The following OGFOD3 variants were observed in gnomAD, a reference collection of about 807,000 sequenced individuals.
OGFOD3 encodes 2-oxoglutarate and iron dependent oxygenase domain containing 3.
Under a neutral mutation model 39.8 loss-of-function variants are expected in OGFOD3, and 35 were observed. The observed-to-expected ratio is 0.88, with a 90% CI of 0.67 to 1.17. The LOEUF (loss-of-function observed/expected upper bound fraction) is 1.17. Among genes scored for constraint, OGFOD3 ranks in the 50% most tolerant of loss-of-function variants. The pLI, the probability that OGFOD3 is intolerant of heterozygous loss-of-function variation, is 0.00. For synonymous variants in OGFOD3, 200 were observed against 192.0 expected (o/e 1.04, Z -0.34); for missense variants, 438 against 454.5 (o/e 0.96, Z 0.33).
intron 7 of OGFOD3, among the ~76,000 whole-genome samples, chr17:82,402,575 C>T (rs2052784423): frequency 6.6e-6 from 1 of 150,522 alleles, no homozygotes; most frequent in Non-Finnish European, 1.5e-5. Flanking sequence ...AATGAAACCC[C>T]ATCTCTACTA....
chr17:82,418,291 C>G (rs1337762417), intron 1 of OGFOD3, 121 bp downstream of exon 1: 1 of 101,424 alleles, frequency 9.9e-6, no homozygotes, highest in Non-Finnish European at 1.8e-5. Flanking sequence ...ACCACGCCCA[C>G]CTGCCCCCCC....
At chr17:82,393,293 T>C (rs1367308170) in intron 8 of OGFOD3, 2 of 152,286 alleles carry the variant, frequency 1.3e-5, no homozygotes, top group African/African-American at 4.8e-5. Flanking sequence ...TGACGTCCTG[T>C]GACAATTTCA....
chr17:82,410,417 G>A (rs1335267579), intron 3 of OGFOD3, among the ~76,000 whole-genome samples: 1 of 152,232 alleles, frequency 6.6e-6, no homozygotes, highest in African/African-American at 2.4e-5. Context: ...AGTAAGAAAA[G>A]TCCAGCACCA....
rs1048910617 is a variant in OGFOD3, at chr17:82,406,636, A to G, written c.424-154T>C. Reference sequence around the variant, plus strand: ...TTTTGTTTTTTGTAAAAAGGATCTTATTCTGTTGCCCAGGCTAGGGCGCAG... The same window carrying G: ...TTTTGTTTTTTGTAAAAAGGATCTTGTTCTGTTGCCCAGGCTAGGGCGCAG... On this transcript the variant is annotated intron_variant, in intron 4 of 8. Transcript: ENST00000313056. This position sits in a 1 kb window ranked among gnomAD's most constrained non-coding sequence, Gnocchi z 5.2. Among the ~76,000 whole-genome samples, 1 of 152,072 alleles carries G rather than the reference A, an allele frequency of 6.6e-6. No homozygotes were observed. Among genetic ancestry groups the G allele is most frequent in the Non-Finnish European group, 1.5e-5 (1 of 68,006 alleles).
Position 82,415,694 on chromosome 17 carries a change from A to G in OGFOD3, c.75-67T>C. 1 of 1,348,210 alleles carries G rather than the reference A, an allele frequency of 7.4e-7. No homozygotes were observed. The highest frequency in any genetic ancestry group is 1.3e-5 in the South Asian group (1 of 74,820). The allele number at this position is 1,348,210 out of a possible 1,614,324, so 83.5% of individuals were successfully genotyped here. A position where few individuals can be genotyped will look rare whatever the true frequency, so the allele number is the denominator to read the frequency against. ...AGGCCAGAGAAAACGCTCCCCGATC[A>G]TCAAAGTGCATGCACCATGACCCGG... On this transcript the variant is annotated intron_variant, in intron 1 of 8. Coordinates refer to ENST00000313056, the MANE Select transcript of OGFOD3 (RefSeq NM_024648.3). The surrounding 1 kb of genome is among the most constrained non-coding windows in gnomAD (Gnocchi z 5.3).
chr17:82,410,608 C>T lies in OGFOD3; in HGVS notation c.380+847G>A, dbSNP rs1213031458. ...GGCGGCCACAACCCCTGCAGAGGAA[C>T]CTGGGCCTCTGGGTACTCTCCCAGC... On this transcript the variant is annotated intron_variant, in intron 3 of 8. Transcript: ENST00000313056. 2.0e-5 allele frequency among the ~76,000 whole-genome samples: 3 copies of T among 152,244 alleles called. No homozygotes were observed. The East Asian group carries it at 5.8e-4, about 29-fold the overall frequency.
rs781186711 is a variant in OGFOD3 at position 82,392,477 on chromosome 17, T to C, written c.881A>G (p.His294Arg). 1 of 1,610,486 alleles carries C rather than the reference T, an allele frequency of 6.2e-7. No individual in the cohort carries two copies. The highest frequency in any genetic ancestry group is 8.5e-7 in the Non-Finnish European group (1 of 1,178,702). The part of the protein sequence containing the change: ...SENLHRVEKV[H>R]WGTRYAITIA... ...GGTGATGGCGTAACGGGTGCCCCAG[T>C]GGACCTTCTCCACGCGGTGTAGGTT... Residue 294 changes from histidine to arginine, a missense_variant, in exon 9 of 9, where the codon CAC (histidine) becomes CGC (arginine). By Grantham distance (29) the His-to-Arg change is conservative (BLOSUM62 0). Transcript: ENST00000313056. The surrounding 1 kb of genome is among the most constrained non-coding windows in gnomAD (Gnocchi z 4.2).
chr17:82,418,055 A>C (rs1282299227), intron 1 of OGFOD3, among the ~76,000 whole-genome samples: 1 of 152,220 alleles, frequency 6.6e-6, no homozygotes. Context: ...CTCCTGGCTC[A>C]GGCGGACTTT....
chr17:82,406,452 G>A lies in OGFOD3; in HGVS notation c.454C>T (p.Leu152=), dbSNP rs1280768226. Residue 152 remains leucine, a synonymous_variant, in exon 5 of 9, where the codon CTG becomes TTG. Coordinates refer to ENST00000313056, the MANE Select transcript of OGFOD3 (RefSeq NM_024648.3). The surrounding 1 kb of genome is among the most constrained non-coding windows in gnomAD (Gnocchi z 5.2). ...ASILDLHSGA[L]SVGKHFVNLY... ...TTCACAAAGTGCTTCCCGACAGACA[G>A]GGCCCCTGAGTGCAAGTCCAGAATG... 2.5e-6 allele frequency: 4 copies of A among 1,614,042 alleles called. No individual in the cohort carries two copies. Among genetic ancestry groups the A allele is most frequent in the Admixed American group, 3.3e-5 (2 of 59,998 alleles).
In OGFOD3 at chr17:82,398,188, C is replaced by A; in HGVS notation, c.823+8G>T. 6.2e-7 allele frequency: 1 copy of A among 1,614,026 alleles called. No homozygotes were observed. Among genetic ancestry groups the A allele is most frequent in the African/African-American group, 1.3e-5 (1 of 75,036 alleles). ...GCCCCACGCCCAGGCCCCGCCCGCG[C>A]CTCCTACCAGCTCTCGGCTCCACCG... On this transcript the variant is annotated splice_region_variant and intron_variant, in intron 8 of 8. Transcript: ENST00000313056.
In OGFOD3 at chr17:82,398,310, C is replaced by G. The variant is rs1303122247; in HGVS notation, c.709G>C (p.Gly237Arg). ...AGCAGCGAGGTGTAGTCGAAGGAGC[C>G]GTAGGTCACCTGAGGGCAGAGCCGG... ...WHAHVDKVTY[G>R]SFDYTSLLYL... Residue 237 changes from glycine (G) to arginine (R), a missense_variant, in exon 8 of 9, where the codon GGC (glycine) becomes CGC (arginine). Gly to Arg is a moderately radical substitution (Grantham distance 125, BLOSUM62 -2). Coordinates refer to ENST00000313056, the MANE Select transcript of OGFOD3 (RefSeq NM_024648.3). 1.2e-6 allele frequency: 2 copies of G among 1,614,014 alleles called. No homozygotes were observed.
intron 7 of OGFOD3, 148 bp from the exon 8 acceptor site, chr17:82,398,467 T>G: frequency 1.1e-6 from 1 of 931,146 alleles, no homozygotes; most frequent in Non-Finnish European, 1.6e-6. Context: ...TGATGCGATC[T>G]CGGCTCACTG....
chr17:82,411,086 G>A (rs190870127), intron 3 of OGFOD3, among the ~76,000 whole-genome samples: 4 of 146,520 alleles, frequency 2.7e-5, no homozygotes, highest in East Asian at 4.0e-4. Flanking sequence ...TCGCTCTGTC[G>A]CCCAGGATGG....
At chr17:82,416,016 G>T (rs1019505539) in intron 1 of OGFOD3, among the ~76,000 whole-genome samples, 1 of 152,008 alleles carries the variant, frequency 6.6e-6, no homozygotes, top group African/African-American at 2.4e-5. Context: ...ATCACCTGAG[G>T]TCAGGGTATC....
rs2053133166 is a variant in OGFOD3, at chr17:82,418,567, C to CA, written c.-83dup. ...GCCGTAACAGGGAGCGCGAGGCAGG[C>CA]ACGGCGCAGGGACGCGAGTGCGACG... On this transcript the variant is annotated 5_prime_UTR_variant, in exon 1 of 9. Transcript: ENST00000313056. The CA allele has an allele frequency of 8.0e-6, 6 of 748,386 alleles. No individual in the cohort carries two copies. The highest frequency in any genetic ancestry group is 1.1e-5 in the Non-Finnish European group (6 of 540,956). 46.4% of individuals were successfully genotyped at this position (748,386 alleles called of 1,614,324 possible).
chr17:82,406,535 G>T lies in OGFOD3; in HGVS notation c.424-53C>A, dbSNP rs1458585762. 2.7e-6 allele frequency: 4 copies of T among 1,471,142 alleles called. No individual in the cohort carries two copies. Among genetic ancestry groups the T allele is most frequent in the Non-Finnish European group, 3.8e-6 (4 of 1,050,232 alleles). The allele number at this position is 1,471,142 out of a possible 1,614,324, so 91.1% of individuals were successfully genotyped here. A position where few individuals can be genotyped will look rare whatever the true frequency, so the allele number is the denominator to read the frequency against. The stretch of plus-strand genomic sequence containing the variant: ...TGCAGCCGCAGCAATGGCAATGGCT[G>T]TTAAAAGTCATGGATGGTAAATGCG... On this transcript the variant is annotated intron_variant, in intron 4 of 8. Transcript: ENST00000313056. This position sits in a 1 kb window ranked among gnomAD's most constrained non-coding sequence, Gnocchi z 5.2.
chr17:82,398,861 C>A (rs1031911412), intron 7 of OGFOD3, among the ~76,000 whole-genome samples: 6 of 149,584 alleles, frequency 4.0e-5, no homozygotes, highest in African/African-American at 1.5e-4. Flanking sequence ...GCGCACGACA[C>A]TACAACCAGC....
chr17:82,395,239 C>T (rs1050177474), intron 8 of OGFOD3, among the ~76,000 whole-genome samples: 2 of 152,124 alleles, frequency 1.3e-5, no homozygotes, highest in Non-Finnish European at 2.9e-5. Context: ...GCCATTTTGG[C>T]CAGGCTGGTC....
intron 3 of OGFOD3, among the ~76,000 whole-genome samples, chr17:82,410,538 G>A (rs900531699): frequency 2.6e-5 from 4 of 152,040 alleles, no homozygotes; most frequent in Non-Finnish European, 4.4e-5. Context: ...GCAGTGTCCC[G>A]GAGGCTCCGT....
Sources: gnomAD v4.1 joint callset for allele counts (sites outside exome capture counted in the v4.1 genomes callset) on GRCh38, gnomAD v4.1.1 for gene constraint, Gnocchi (gnomAD v3.1) non-coding constraint, MANE v1.5 for transcripts, NCBI Gene and HGNC (gene_info 2026-07-23, HGNC 2026-07-21) for gene names.